PDE1A: variants seen among roughly 807,000 people sequenced by gnomAD.
PDE1A encodes phosphodiesterase 1A.
A neutral mutation model predicts 61.7 loss-of-function variants in PDE1A; 35 were observed. The ratio of observed to expected loss-of-function variants is 0.57; its 90% CI spans 0.43 to 0.75. The LOEUF is 0.75. PDE1A is among the 30% of genes least tolerant of loss of function. The pLI, the probability that PDE1A is intolerant of heterozygous loss-of-function variation, is 0.00. For synonymous variants in PDE1A, 232 were observed against 213.2 expected (o/e 1.09, Z -0.77); for missense variants, 597 against 630.6 (o/e 0.95, Z 0.57).
chr2:182,368,244 T>C (rs1370374935), intron 1 of PDE1A, among the ~76,000 whole-genome samples: 1 of 152,082 alleles, frequency 6.6e-6, no homozygotes, highest in East Asian at 1.9e-4. Flanking sequence ...TATCAACAAT[T>C]CCTTAGTATC....
intron 2 of PDE1A, among the ~76,000 whole-genome samples, chr2:182,433,904 T>C (rs1704080670): frequency 6.6e-6 from 1 of 152,096 alleles, no homozygotes; most frequent in Admixed American, 6.6e-5. Context: ...CTTTTCATCC[T>C]GCTCATTGCT....
intron 2 of PDE1A, among the ~76,000 whole-genome samples, chr2:182,255,700 C>G (rs1046742937): frequency 6.6e-6 from 1 of 150,450 alleles, no homozygotes; most frequent in Admixed American, 6.6e-5. Flanking sequence ...CTCTGTCACC[C>G]AGGCTGGAGT....
At chr2:182,478,674 C>T (rs780437661) in intron 2 of PDE1A, among the ~76,000 whole-genome samples, 1 of 151,900 alleles carries the variant, frequency 6.6e-6, no homozygotes, top group African/African-American at 2.4e-5. Flanking sequence ...ACTGCCAATA[C>T]ATTTGTCCTG....
intron 7 of PDE1A, among the ~76,000 whole-genome samples, chr2:182,218,447 G>A (rs1688428089): frequency 1.3e-5 from 2 of 151,752 alleles, no homozygotes; most frequent in Non-Finnish European, 2.9e-5. Flanking sequence ...AGAAAAAAAA[G>A]AATACAATGC....
intron 2 of PDE1A, among the ~76,000 whole-genome samples, chr2:182,454,049 T>C (rs1046298039): frequency 1.3e-5 from 2 of 152,084 alleles, no homozygotes; most frequent in Non-Finnish European, 2.9e-5. Flanking sequence ...CTCCTTAAGC[T>C]GATAAGCAAC....
At chr2:182,235,081 G>C (rs1689901519) in intron 3 of PDE1A, among the ~76,000 whole-genome samples, 1 of 152,070 alleles carries the variant, frequency 6.6e-6, no homozygotes, top group Non-Finnish European at 1.5e-5. Context: ...AGAAAACAAT[G>C]TTATTTTCAT....
At chr2:182,272,305 G>T (rs1465708413) in intron 1 of PDE1A, among the ~76,000 whole-genome samples, 1 of 152,098 alleles carries the variant, frequency 6.6e-6, no homozygotes, top group African/African-American at 2.4e-5. Flanking sequence ...GGAGGGCCCT[G>T]CACTTTCCTT....
At chr2:182,700,297 C>A in the PDE1A span, among the ~76,000 whole-genome samples, 4 of 152,160 alleles carry the variant, frequency 2.6e-5, no homozygotes, top group Non-Finnish European at 5.9e-5. Flanking sequence ...GTAGGCCGGG[C>A]GCGGTGGCTC....
intron 2 of PDE1A, among the ~76,000 whole-genome samples, chr2:182,501,838 G>C (rs1200993851): frequency 6.6e-6 from 1 of 152,122 alleles, no homozygotes; most frequent in Non-Finnish European, 1.5e-5. Context: ...GTCCTTTAAA[G>C]AGGCCCTCAA....
At chr2:182,380,106 CTTT>C (rs1226939777) in intron 1 of PDE1A, among the ~76,000 whole-genome samples, 1,430 of 103,780 alleles carry the variant, frequency 0.014, 5 homozygotes, top group Middle Eastern at 0.053. Context: ...CCCAGCTCCT[CTTT>C]TTTTTTTTTT....
At chr2:182,598,842 A>C in the PDE1A span, among the ~76,000 whole-genome samples, 2 of 152,228 alleles carry the variant, frequency 1.3e-5, no homozygotes, top group Non-Finnish European at 2.9e-5. Flanking sequence ...TTGTGGCTTA[A>C]AACCACTTTA....
the PDE1A span, among the ~76,000 whole-genome samples, chr2:182,644,490 A>G: frequency 1.3e-5 from 2 of 152,072 alleles, no homozygotes; most frequent in Admixed American, 1.3e-4. Flanking sequence ...AAAATTCTAC[A>G]TTAGAAGGTA....
chr2:182,158,155 T>C (rs1449326482), intron 13 of PDE1A, among the ~76,000 whole-genome samples: 1 of 152,192 alleles, frequency 6.6e-6, no homozygotes, highest in Non-Finnish European at 1.5e-5. Context: ...ATTGCCTCCC[T>C]TGGATGTATA....
At chr2:182,159,448 TGGAAAGGTGA>T in intron 13 of PDE1A, among the ~76,000 whole-genome samples, 1 of 152,312 alleles carries the variant, frequency 6.6e-6, no homozygotes, top group Non-Finnish European at 1.5e-5. Context: ...TAATTAAGAA[TGGAAAGGTGA>T]TAGAAATCAC....
the PDE1A span, among the ~76,000 whole-genome samples, chr2:182,590,944 T>C: frequency 1.1e-4 from 17 of 152,194 alleles, no homozygotes; most frequent in East Asian, 1.9e-4. Flanking sequence ...AAGCCCTGTG[T>C]CTATTTTTGC....
At chr2:182,591,740 G>A in the PDE1A span, among the ~76,000 whole-genome samples, 4 of 152,144 alleles carry the variant, frequency 2.6e-5, no homozygotes, top group Non-Finnish European at 5.9e-5. Context: ...AGGTTGAGAG[G>A]CAAAATCACC....
the PDE1A span, among the ~76,000 whole-genome samples, chr2:182,694,390 G>T: frequency 6.6e-6 from 1 of 152,176 alleles, no homozygotes; most frequent in African/African-American, 2.4e-5. Flanking sequence ...GGCTCAGATG[G>T]ATTCTGTGCA....
intron 2 of PDE1A, among the ~76,000 whole-genome samples, chr2:182,457,208 G>T (rs1459315046): frequency 2.0e-5 from 3 of 151,956 alleles, no homozygotes; most frequent in Admixed American, 6.6e-5. Context: ...GGAATTTTCT[G>T]CCCTGCTGGA....
chr2:182,624,008 C>G, the PDE1A span, among the ~76,000 whole-genome samples: 3 of 151,484 alleles, frequency 2.0e-5, no homozygotes, highest in Non-Finnish European at 4.4e-5. Context: ...GCCTGTAGTC[C>G]CAGCTACTCG....
Sources: gnomAD v4.1 joint callset for allele counts (sites outside exome capture counted in the v4.1 genomes callset) on GRCh38, gnomAD v4.1.1 for gene constraint, MANE v1.5 for transcripts, NCBI Gene and HGNC (gene_info 2026-07-23, HGNC 2026-07-21) for gene names.